The following CNTNAP2 variants were observed in gnomAD, a reference collection of about 807,000 sequenced individuals.
CNTNAP2 encodes the protein contactin associated protein 2.
CNTNAP2 carries 98 observed loss-of-function variants against 155.2 expected under a neutral mutation model. That is an observed-to-expected ratio of 0.63 (90% CI 0.54 to 0.75). The LOEUF (loss-of-function observed/expected upper bound fraction) is 0.75, where lower values mean the gene tolerates loss of function less well. Ranked by LOEUF, CNTNAP2 falls within the 30% of genes least tolerant of loss-of-function variation. The pLI is 0.00. For synonymous variants in CNTNAP2, 651 were observed against 631.2 expected (o/e 1.03, Z -0.47); for missense variants, 1,727 against 1,688.1 (o/e 1.02, Z -0.40).
intron 10 of CNTNAP2, among the ~76,000 whole-genome samples, chr7:147,476,150 G>A (rs1255449977): frequency 6.6e-6 from 1 of 151,846 alleles, no homozygotes; most frequent in Non-Finnish European, 1.5e-5. Flanking sequence ...CTGTCACCCA[G>A]GCTGGAGTGC....
chr7:147,504,514 C>T (rs770375629), intron 11 of CNTNAP2, among the ~76,000 whole-genome samples: 33 of 151,674 alleles, frequency 2.2e-4, no homozygotes, highest in Non-Finnish European at 3.8e-4. Context: ...CATGGTGAAA[C>T]CTCATCTCTA....
intron 2 of CNTNAP2, among the ~76,000 whole-genome samples, chr7:146,802,357 T>C (rs759337017): frequency 2.0e-5 from 3 of 152,210 alleles, no homozygotes; most frequent in Non-Finnish European, 4.4e-5. Flanking sequence ...TTGATTTCAG[T>C]CTTTCTGATT....
At chr7:146,963,587 A>G (rs2129231069) in intron 3 of CNTNAP2, among the ~76,000 whole-genome samples, 1 of 152,350 alleles carries the variant, frequency 6.6e-6, no homozygotes, top group Admixed American at 6.5e-5. Context: ...TGTCTTAAAT[A>G]GTAACACAAT....
In CNTNAP2 at chr7:147,025,732, T is replaced by C. The variant is rs1046332362; in HGVS notation, c.403-18175T>C. Among the ~76,000 whole-genome samples, 6 of 152,132 alleles carry C rather than the reference T, an allele frequency of 3.9e-5. No individual in the cohort carries two copies. The East Asian group carries it at 1.2e-3, about 29-fold the overall frequency. On this transcript the variant is annotated intron_variant, in intron 3 of 23. Transcript: ENST00000361727. ...AGGCAAAACCCATCAAACTTACAGA[T>C]TATTATGTGATTTAAAGTTCCTATC...
At chr7:146,464,129 T>C (rs1317735645) in intron 1 of CNTNAP2, among the ~76,000 whole-genome samples, 4 of 151,686 alleles carry the variant, frequency 2.6e-5, no homozygotes, top group African/African-American at 9.7e-5. Flanking sequence ...AAACAGTTCG[T>C]TAATGAACCA....
At chr7:146,699,788 C>T (rs1433982557) in intron 1 of CNTNAP2, among the ~76,000 whole-genome samples, 9 of 151,802 alleles carry the variant, frequency 5.9e-5, no homozygotes, top group East Asian at 1.9e-4. Context: ...GCCAACACAG[C>T]GAAACCCCGT....
At chr7:148,218,172 A>G (rs565711189) in intron 19 of CNTNAP2, among the ~76,000 whole-genome samples, 1 of 152,358 alleles carries the variant, frequency 6.6e-6, no homozygotes, top group East Asian at 1.9e-4. Context: ...ACATAAATAC[A>G]TTCACTAAAT....
chr7:146,987,091 ATTTT>A (rs1798126699), intron 3 of CNTNAP2, among the ~76,000 whole-genome samples: 3 of 152,152 alleles, frequency 2.0e-5, no homozygotes, highest in Non-Finnish European at 4.4e-5. Flanking sequence ...AAGCTCAATA[ATTTT>A]ATTAAATTCA....
chr7:146,404,899 TC>T (rs1380328330), intron 1 of CNTNAP2, among the ~76,000 whole-genome samples: 7 of 152,166 alleles, frequency 4.6e-5, no homozygotes, highest in African/African-American at 1.7e-4. Context: ...CCACATTAGT[TC>T]CGGTCTTCTA....
intron 5 of CNTNAP2, among the ~76,000 whole-genome samples, chr7:147,118,840 G>A (rs1801042020): frequency 6.6e-6 from 1 of 152,070 alleles, no homozygotes; most frequent in Admixed American, 6.5e-5. Flanking sequence ...GTCATTATGT[G>A]GTGCATGACT....
At chr7:147,953,978 C>A (rs868063536) in intron 14 of CNTNAP2, among the ~76,000 whole-genome samples, 2 of 152,038 alleles carry the variant, frequency 1.3e-5, no homozygotes, top group Non-Finnish European at 2.9e-5. Context: ...TTGAAAATAT[C>A]TTTTTGGAAG....
At chr7:148,221,591 GA>G (rs896513297) in intron 19 of CNTNAP2, among the ~76,000 whole-genome samples, 2 of 151,864 alleles carry the variant, frequency 1.3e-5, no homozygotes, top group Admixed American at 6.6e-5. Flanking sequence ...TTTAAAGTTA[GA>G]AAAAAAAGGA....
At chr7:146,730,262 A>G (rs1033735850) in intron 1 of CNTNAP2, among the ~76,000 whole-genome samples, 1 of 152,186 alleles carries the variant, frequency 6.6e-6, no homozygotes, top group Non-Finnish European at 1.5e-5. Context: ...CTACTCCAAT[A>G]AAAATTATTG....
intron 1 of CNTNAP2, among the ~76,000 whole-genome samples, chr7:146,197,159 A>AT (rs921233955): frequency 1.4e-4 from 22 of 152,236 alleles, no homozygotes; most frequent in African/African-American, 2.6e-4. Flanking sequence ...ATAAACTAGC[A>AT]TTTTTTTACG....
chr7:146,633,858 A>G (rs973824742), intron 1 of CNTNAP2, among the ~76,000 whole-genome samples: 1 of 147,070 alleles, frequency 6.8e-6, no homozygotes, highest in Non-Finnish European at 1.5e-5. Flanking sequence ...AAAAAAAAAC[A>G]GAAACGTCTA....
intron 1 of CNTNAP2, among the ~76,000 whole-genome samples, chr7:146,399,066 G>A (rs1454071190): frequency 8.1e-6 from 1 of 122,842 alleles, no homozygotes. Context: ...CTTTAAGAAC[G>A]TTTTGACAAA....
intron 2 of CNTNAP2, among the ~76,000 whole-genome samples, chr7:146,832,681 A>G (rs111974923): frequency 0.02 from 2,988 of 148,476 alleles, 103 homozygotes; most frequent in African/African-American, 0.067. Flanking sequence ...GTGTGTGTGT[A>G]TATATATATA....
chr7:147,638,959 AG>A, intron 12 of CNTNAP2, 146 bp from the exon 13 acceptor site: 1 of 812,786 alleles, frequency 1.2e-6, no homozygotes, highest in Non-Finnish European at 2.2e-6. Flanking sequence ...AGCAAAGAGC[AG>A]GGGGTTTTAA....
Position 148,147,726 on chromosome 7 carries a change from T to A in CNTNAP2, c.2773+17T>A. 1.2e-6 allele frequency: 2 copies of A among 1,607,720 alleles called. No homozygotes were observed. The highest frequency in any genetic ancestry group is 1.4e-5 in the African/African-American group (1 of 73,810). Reference sequence around the variant, plus strand: ...TATTTGTGGGTAAGTAATGGAAAGGTAACCATGGCTTCCCTCTGTTGATTT... The same window carrying A: ...TATTTGTGGGTAAGTAATGGAAAGGAAACCATGGCTTCCCTCTGTTGATTT... On this transcript the variant is annotated intron_variant, in intron 17 of 23. Transcript: ENST00000361727.
Sources: gnomAD v4.1 joint callset for allele counts (sites outside exome capture counted in the v4.1 genomes callset) on GRCh38, gnomAD v4.1.1 for gene constraint, MANE v1.5 for transcripts, NCBI Gene and HGNC (gene_info 2026-07-23, HGNC 2026-07-21) for gene names.